TENM3: variants seen among roughly 807,000 people sequenced by gnomAD.
TENM3 encodes the protein teneurin transmembrane protein 3, also known as teneurin-3.
In TENM3, 63 loss-of-function variants were observed where a neutral mutation model predicts 255.1. The ratio of observed to expected loss-of-function variants is 0.25; its 90% CI spans 0.20 to 0.30. The LOEUF is 0.30. Among genes scored for constraint, TENM3 ranks in the 10% least tolerant of loss-of-function variants. TENM3 has a pLI of 1.00. For synonymous variants in TENM3, 1,306 were observed against 1,322.3 expected, an observed-to-expected ratio of 0.99 and a Z score of 0.27; for missense variants, 2,929 against 3,461.1, an observed-to-expected ratio of 0.85 and a Z score of 3.86.
the TENM3 span, among the ~76,000 whole-genome samples, chr4:182,033,221 C>T: frequency 6.6e-6 from 1 of 152,018 alleles, no homozygotes; most frequent in Non-Finnish European, 1.5e-5. Context: ...TAGCTGCATC[C>T]CAGAGATTCT....
chr4:182,561,848 T>C (rs867842353), intron 3 of TENM3, among the ~76,000 whole-genome samples: 2 of 152,066 alleles, frequency 1.3e-5, no homozygotes, highest in African/African-American at 4.8e-5. Flanking sequence ...ATATATTATG[T>C]TGGTGAAAAA....
the TENM3 span, among the ~76,000 whole-genome samples, chr4:182,077,473 T>C: frequency 2.8e-4 from 42 of 152,278 alleles, no homozygotes; most frequent in African/African-American, 9.6e-4. Context: ...GAACTAATGA[T>C]TGTATCATCA....
the TENM3 span, among the ~76,000 whole-genome samples, chr4:181,798,842 G>A: frequency 6.6e-6 from 1 of 152,180 alleles, no homozygotes; most frequent in Non-Finnish European, 1.5e-5. Context: ...TGGTATGTGA[G>A]TTAACAAATG....
chr4:182,731,464 C>A (rs149435103), intron 16 of TENM3, among the ~76,000 whole-genome samples: 4 of 151,754 alleles, frequency 2.6e-5, no homozygotes, highest in African/African-American at 9.7e-5. Context: ...GCCGAGATCA[C>A]ACACTACTGC....
chr4:182,227,616 T>C (rs1017496021), intron 1 of TENM3, among the ~76,000 whole-genome samples: 1 of 151,860 alleles, frequency 6.6e-6, no homozygotes, highest in Non-Finnish European at 1.5e-5. Flanking sequence ...CTAATTTTTT[T>C]CTTCGTGTAG....
At chr4:182,355,862 G>T (rs1258117107) in intron 3 of TENM3, among the ~76,000 whole-genome samples, 1 of 151,224 alleles carries the variant, frequency 6.6e-6, no homozygotes, top group Non-Finnish European at 1.5e-5. Context: ...TGTTTGATGT[G>T]TCTGTGGGCC....
chr4:182,240,459 C>T (rs1043552086), upstream of TENM3, among the ~76,000 whole-genome samples: 1 of 152,216 alleles, frequency 6.6e-6, no homozygotes, highest in African/African-American at 2.4e-5. Context: ...TCCCAGTCCC[C>T]TGTTAGGCTC....
At chr4:181,971,771 G>A in the TENM3 span, among the ~76,000 whole-genome samples, 1 of 151,804 alleles carries the variant, frequency 6.6e-6, no homozygotes, top group Non-Finnish European at 1.5e-5. Context: ...TCTTTGCTGT[G>A]TTGTCCAGGC....
chr4:182,215,642 A>G (rs916273400), intron 1 of TENM3, among the ~76,000 whole-genome samples: 1 of 152,174 alleles, frequency 6.6e-6, no homozygotes, highest in African/African-American at 2.4e-5. Flanking sequence ...ACAGAAATCT[A>G]TGGATTCTAT....
chr4:181,994,279 G>A, the TENM3 span, among the ~76,000 whole-genome samples: 1 of 152,020 alleles, frequency 6.6e-6, no homozygotes, highest in Admixed American at 6.6e-5. Flanking sequence ...ATTGGGGTGG[G>A]GTAGGGGGTA....
the TENM3 span, among the ~76,000 whole-genome samples, chr4:181,763,499 A>G: frequency 1.3e-5 from 2 of 152,244 alleles, no homozygotes; most frequent in Non-Finnish European, 2.9e-5. Flanking sequence ...TATATAATTG[A>G]ACAAAATTAA....
intron 4 of TENM3, among the ~76,000 whole-genome samples, chr4:182,607,951 G>A (rs1748592156): frequency 6.6e-6 from 1 of 152,142 alleles, no homozygotes; most frequent in African/African-American, 2.4e-5. Context: ...AAGGTAATCT[G>A]TGCCTTTACT....
the TENM3 span, among the ~76,000 whole-genome samples, chr4:181,674,356 G>A: frequency 2.0e-5 from 3 of 151,774 alleles, no homozygotes; most frequent in Admixed American, 2.0e-4. Context: ...AATCTTATTA[G>A]TGTATCTAGC....
chr4:182,487,535 C>T (rs1734877910), intron 3 of TENM3, among the ~76,000 whole-genome samples: 1 of 151,988 alleles, frequency 6.6e-6, no homozygotes, highest in Non-Finnish European at 1.5e-5. Flanking sequence ...ATTAAGTATA[C>T]CACTGAAAAT....
At chr4:181,695,323 T>C in the TENM3 span, among the ~76,000 whole-genome samples, 1 of 152,172 alleles carries the variant, frequency 6.6e-6, no homozygotes, top group African/African-American at 2.4e-5. Context: ...GCAAGTAGAC[T>C]CAACTCTTGG....
the TENM3 span, among the ~76,000 whole-genome samples, chr4:182,097,950 G>A: frequency 1.1e-4 from 17 of 152,128 alleles, no homozygotes; most frequent in Admixed American, 3.9e-4. Context: ...CAAGCAAATG[G>A]CAAAGCCTAG....
the TENM3 span, among the ~76,000 whole-genome samples, chr4:181,972,743 G>A: frequency 5.9e-5 from 9 of 152,156 alleles, no homozygotes; most frequent in Non-Finnish European, 1.0e-4. Context: ...AATCTTGACC[G>A]AGATTGAATT....
chr4:182,229,851 T>G (rs982661034), intron 1 of TENM3, among the ~76,000 whole-genome samples: 1 of 152,120 alleles, frequency 6.6e-6, no homozygotes, highest in Non-Finnish European at 1.5e-5. Flanking sequence ...TACATAACAT[T>G]GAAGAATGTT....
At chr4:181,997,948 A>G in the TENM3 span, among the ~76,000 whole-genome samples, 1 of 152,226 alleles carries the variant, frequency 6.6e-6, no homozygotes, top group Non-Finnish European at 1.5e-5. Flanking sequence ...GAAAAGTTAT[A>G]TAAGATTTCA....
Sources: allele counts gnomAD v4.1 joint callset (sites outside exome capture counted in the v4.1 genomes callset), GRCh38; gene constraint gnomAD v4.1.1; transcripts MANE v1.5; gene names NCBI Gene and HGNC (gene_info 2026-07-23, HGNC 2026-07-21).